USH2A: variants seen among roughly 807,000 people sequenced by gnomAD.
USH2A encodes the protein usherin.
Under a neutral mutation model 538.9 loss-of-function variants are expected in USH2A, and 443 were observed. That is an observed-to-expected ratio of 0.82 (90% confidence interval 0.76 to 0.89). The LOEUF (loss-of-function observed/expected upper bound fraction) is 0.89, where lower values mean the gene tolerates loss of function less well. Among genes scored for constraint, USH2A ranks in the 40% least tolerant of loss-of-function variants. USH2A has a pLI of 0.00. For synonymous variants in USH2A, 2,413 were observed against 2,273.5 expected (o/e 1.06, Z -1.75); for missense variants, 6,633 against 6,324.8 (o/e 1.05, Z -1.65).
At chr1:216,415,389 T>A (rs1357095728) in intron 3 of USH2A, among the ~76,000 whole-genome samples, 2 of 152,106 alleles carry the variant, frequency 1.3e-5, no homozygotes, top group African/African-American at 4.8e-5. Context: ...TTTAAGCAAT[T>A]AGTACATTCC....
At chr1:215,742,663 T>G (rs1014650724) in intron 59 of USH2A, among the ~76,000 whole-genome samples, 2 of 152,102 alleles carry the variant, frequency 1.3e-5, no homozygotes, top group Admixed American at 1.3e-4. Context: ...CACAGATACA[T>G]GAAAATTTCA....
chr1:216,365,003 G>T lies in USH2A; in HGVS notation c.734C>A (p.Ser245Ter). ...AGTACCAGATGCAAAATCTGTAATT[G>T]AACCACTTAGAGTTCTTGCATTGAA... The part of the protein sequence containing the change: ...TPFNARTLSG[S>*]ITDFASGTVQ... The change falls in exon 4 of 72, where the codon TCA becomes TAA. Residue 245 changes from serine to a stop codon, truncating the protein, a stop_gained. Transcript: ENST00000307340. LOFTEE classifies it high-confidence loss of function. The T allele has an allele frequency of 6.2e-7, 1 of 1,613,648 alleles. No homozygotes were observed. Among genetic ancestry groups the T allele is most frequent in the South Asian group, 1.1e-5 (1 of 91,068 alleles).
In USH2A at chr1:215,870,287, A is replaced by ATT. The variant is rs754723581; in HGVS notation, c.8682-3119_8682-3118dup. On this transcript the variant is annotated intron_variant, in intron 43 of 71. Transcript: ENST00000307340. ...AAACAAGATTTTTTTTTTATTTTTT[A>ATT]TTTTTTTTTTATTTATTTATTTTTT... Among the ~76,000 whole-genome samples the ATT allele has an allele frequency of 3.7e-3, 543 of 145,286 alleles. 3 individuals carry two copies. The highest frequency in any genetic ancestry group is 0.014 in the African/African-American group (522 of 38,186).
intron 49 of USH2A, among the ~76,000 whole-genome samples, chr1:215,809,147 A>G (rs1266758179): frequency 6.6e-6 from 1 of 152,152 alleles, no homozygotes; most frequent in Non-Finnish European, 1.5e-5. Context: ...CCTGGGTAAA[A>G]TAATTCTATT....
intron 49 of USH2A, among the ~76,000 whole-genome samples, chr1:215,811,751 A>G (rs1420136521): frequency 6.6e-6 from 1 of 151,728 alleles, no homozygotes; most frequent in African/African-American, 2.4e-5. Flanking sequence ...TACTGAAAAT[A>G]CAAAATTAGC....
chr1:216,301,526 G>A (rs1234941392), intron 9 of USH2A, among the ~76,000 whole-genome samples: 1 of 152,154 alleles, frequency 6.6e-6, no homozygotes, highest in Non-Finnish European at 1.5e-5. Context: ...GGAGAGAGGT[G>A]TTGACTGGAG....
intron 19 of USH2A, among the ~76,000 whole-genome samples, chr1:216,190,981 T>C (rs970360918): frequency 6.6e-6 from 1 of 152,050 alleles, no homozygotes; most frequent in Non-Finnish European, 1.5e-5. Flanking sequence ...ATATTATCTT[T>C]ATCATATAAT....
intron 49 of USH2A, among the ~76,000 whole-genome samples, chr1:215,809,109 A>G (rs1472425063): frequency 1.3e-5 from 2 of 152,190 alleles, no homozygotes; most frequent in African/African-American, 4.8e-5. Context: ...TATTGTAAAC[A>G]GTAAAGTTAC....
rs778681627 is a variant in USH2A, at chr1:216,000,375, A to G, written c.6485+28T>C. 3.1e-6 allele frequency: 5 copies of G among 1,613,118 alleles called. No individual in the cohort carries two copies. In the East Asian group the frequency reaches 1.1e-4, roughly 36 times the overall value. On this transcript the variant is annotated intron_variant, in intron 33 of 71. Transcript: ENST00000307340. ...CACTGAGATTCTTGCATGAACCAGCATGTGAGAGAGACAACATTTCTACTT... is the reference window on the plus strand; with the variant it reads ...CACTGAGATTCTTGCATGAACCAGCGTGTGAGAGAGACAACATTTCTACTT...
At chr1:216,047,535 T>C (rs989022558) in intron 31 of USH2A, among the ~76,000 whole-genome samples, 54 of 152,212 alleles carry the variant, frequency 3.5e-4, no homozygotes, top group African/African-American at 1.2e-3. Context: ...AGGTAAAAAA[T>C]ACAGCATATT....
chr1:215,648,088 G>GAGTCA (rs1041059528), intron 66 of USH2A, among the ~76,000 whole-genome samples: 2 of 152,062 alleles, frequency 1.3e-5, no homozygotes, highest in African/African-American at 4.8e-5. Context: ...AAATGATTTT[G>GAGTCA]AGTCAAGTGT....
At position 215,675,014 on chromosome 1, in the gene USH2A, C is replaced by A. The variant is rs143898511; in HGVS notation, c.12897G>T (p.Arg4299Ser). ...EQSNGIIQSY[R>S]LQRNEMLYPF... ...GATAGAGCATTTCATTCCTTTGAAG[C>A]CTATAGGACTGGATAATACCATTAG... Residue 4299 changes from arginine (R) to serine (S), a missense_variant, in exon 63 of 72, where the codon AGG becomes AGT. Physicochemically the swap from Arg to Ser is moderately radical, Grantham distance 110. Transcript: ENST00000307340. 2.0e-4 allele frequency: 315 copies of A among 1,614,120 alleles called. No individual in the cohort carries two copies. Among genetic ancestry groups the A allele is most frequent in the Non-Finnish European group, 2.6e-4 (304 of 1,180,028 alleles).
At chr1:216,127,028 C>T (rs561204854) in intron 21 of USH2A, among the ~76,000 whole-genome samples, 1 of 152,144 alleles carries the variant, frequency 6.6e-6, no homozygotes, top group African/African-American at 2.4e-5. Flanking sequence ...GCAAAGCTTT[C>T]GGATACAACT....
chr1:216,123,413 A>T (rs1308375261), intron 21 of USH2A, among the ~76,000 whole-genome samples: 1 of 152,182 alleles, frequency 6.6e-6, no homozygotes, highest in Non-Finnish European at 1.5e-5. Context: ...GTTATCTATG[A>T]CATATGTTCG....
chr1:215,843,428 G>C (rs953346127), intron 46 of USH2A, among the ~76,000 whole-genome samples: 1 of 152,072 alleles, frequency 6.6e-6, no homozygotes, highest in Non-Finnish European at 1.5e-5. Context: ...CCAATTCCGT[G>C]AAGATAAGTT....
intron 48 of USH2A, 49 bp from the exon 49 acceptor site, chr1:215,813,953 G>GTTA: frequency 6.3e-7 from 1 of 1,576,562 alleles, no homozygotes; most frequent in Non-Finnish European, 8.7e-7. Flanking sequence ...AGTTAAGAGT[G>GTTA]TTATACCACT....
At chr1:215,964,008 T>C (rs1419864693) in intron 37 of USH2A, among the ~76,000 whole-genome samples, 1 of 152,120 alleles carries the variant, frequency 6.6e-6, no homozygotes, top group Non-Finnish European at 1.5e-5. Flanking sequence ...CTTTTGAAAG[T>C]TCTCTTGCCG....
At chr1:215,660,267 T>C (rs942764180) in intron 64 of USH2A, among the ~76,000 whole-genome samples, 5 of 152,228 alleles carry the variant, frequency 3.3e-5, no homozygotes, top group South Asian at 2.1e-4. Flanking sequence ...CAAATGGTTG[T>C]TTGAGATTAA....
intron 70 of USH2A, among the ~76,000 whole-genome samples, chr1:215,631,765 C>A (rs997894845): frequency 1.3e-5 from 2 of 152,166 alleles, no homozygotes; most frequent in Non-Finnish European, 2.9e-5. Context: ...TCAGTCTTGG[C>A]CACTCAGTGA....
Sources: allele counts gnomAD v4.1 joint callset (sites outside exome capture counted in the v4.1 genomes callset), GRCh38; gene constraint gnomAD v4.1.1; transcripts MANE v1.5; gene names NCBI Gene and HGNC (gene_info 2026-07-23, HGNC 2026-07-21).